The following PPP1R2 variants were observed in gnomAD, a reference collection of about 807,000 sequenced individuals.
PPP1R2 encodes protein phosphatase 1 regulatory inhibitor subunit 2.
PPP1R2 carries 16 observed loss-of-function variants against 29.9 expected under a neutral mutation model. That is an observed-to-expected ratio of 0.53 (90% CI 0.36 to 0.81). The LOEUF is 0.81. Among genes scored for constraint, PPP1R2 ranks in the 30% least tolerant of loss-of-function variants. PPP1R2 has a pLI of 0.00. For synonymous variants in PPP1R2, 76 were observed against 91.5 expected (o/e 0.83, Z 0.96); for missense variants, 197 against 252.7 (o/e 0.78, Z 1.49).
At chr3:195,529,260 T>C (rs1719096357) in intron 2 of PPP1R2, 1 of 152,314 alleles carries the variant, frequency 6.6e-6, no homozygotes, top group South Asian at 2.1e-4. Flanking sequence ...TCATACTGGT[T>C]ACTGCTGCGT....
chr3:195,528,517 T>C (rs751496242), intron 2 of PPP1R2, among the ~76,000 whole-genome samples: 32 of 152,058 alleles, frequency 2.1e-4, no homozygotes, highest in South Asian at 6.2e-4. Context: ...TCTTCCAAAG[T>C]TTTCACCCAC....
intron 5 of PPP1R2, among the ~76,000 whole-genome samples, chr3:195,517,648 G>T (rs1033671312): frequency 6.6e-6 from 1 of 151,476 alleles, no homozygotes; most frequent in African/African-American, 2.4e-5. Flanking sequence ...AAGCAGAGAC[G>T]GACAAAATGC....
intron 4 of PPP1R2, among the ~76,000 whole-genome samples, chr3:195,522,397 G>C (rs1718794763): frequency 6.6e-6 from 1 of 152,122 alleles, no homozygotes; most frequent in Admixed American, 6.5e-5. Context: ...AACCCCACCA[G>C]TGGAAAATGA....
intron 1 of PPP1R2, among the ~76,000 whole-genome samples, chr3:195,539,787 G>T (rs1259340467): frequency 6.6e-6 from 1 of 152,170 alleles, no homozygotes; most frequent in Admixed American, 6.5e-5. Flanking sequence ...ATGATGGTTT[G>T]ATCGGTCCTG....
chr3:195,533,559 T>C (rs1462534693), intron 1 of PPP1R2, among the ~76,000 whole-genome samples: 1 of 152,170 alleles, frequency 6.6e-6, no homozygotes, highest in Non-Finnish European at 1.5e-5. Context: ...GAAGCAAAGT[T>C]GTGACATTAC....
rs1255397435 is a variant in PPP1R2, at chr3:195,515,660, T to C, written c.*1236A>G. ...TATCGTAGTCCCTTAAAGCAGGGAC[T>C]ATTTAACAATGTCCAGGCTTACTTC... On this transcript the variant is annotated 3_prime_UTR_variant, in exon 6 of 6. Coordinates refer to ENST00000618156, the MANE Select transcript of PPP1R2 (RefSeq NM_006241.8). The C allele has an allele frequency of 6.6e-6, 1 of 152,172 alleles. No homozygotes were observed. Among genetic ancestry groups the C allele is most frequent in the Non-Finnish European group, 1.5e-5 (1 of 67,984 alleles). The allele number at this position is 152,172 out of a possible 1,614,324, so 9.4% of individuals were successfully genotyped here.
intron 1 of PPP1R2, among the ~76,000 whole-genome samples, chr3:195,540,633 T>C (rs1293331795): frequency 1.9e-4 from 29 of 152,154 alleles, no homozygotes; most frequent in Non-Finnish European, 1.5e-5. Flanking sequence ...GATTAATCTA[T>C]TCACGGATTA....
At chr3:195,523,508 C>T (rs1483310935) in intron 4 of PPP1R2, among the ~76,000 whole-genome samples, 184 bp downstream of exon 4, 1 of 152,176 alleles carries the variant, frequency 6.6e-6, no homozygotes, top group African/African-American at 2.4e-5. Flanking sequence ...TTCTTGAAAT[C>T]AGGGGTAAAA....
chr3:195,519,942 A>AG (rs147171977), intron 4 of PPP1R2, among the ~76,000 whole-genome samples: 2,925 of 150,450 alleles, frequency 0.019, 95 homozygotes, highest in African/African-American at 0.068. Flanking sequence ...ACAACAGAAA[A>AG]GGGGGGGCCA....
chr3:195,527,364 C>T (rs1719010062), intron 2 of PPP1R2, among the ~76,000 whole-genome samples: 1 of 152,052 alleles, frequency 6.6e-6, no homozygotes, highest in South Asian at 2.1e-4. Context: ...GCACGAGAAT[C>T]TCTTGAACCT....
chr3:195,539,145 AAC>A (rs1477840887), intron 1 of PPP1R2, among the ~76,000 whole-genome samples: 4 of 152,232 alleles, frequency 2.6e-5, no homozygotes, highest in Non-Finnish European at 5.9e-5. Context: ...TCTTAGAATC[AAC>A]AGTGTCTTCT....
At chr3:195,527,471 T>TA (rs1719015891) in intron 2 of PPP1R2, among the ~76,000 whole-genome samples, 1 of 151,642 alleles carries the variant, frequency 6.6e-6, no homozygotes, top group Non-Finnish European at 1.5e-5. Flanking sequence ...AAATAAAAAA[T>TA]AAAAAACAGC....
chr3:195,535,103 C>T lies in PPP1R2; in HGVS notation c.123-5202G>A, dbSNP rs137859269. On this transcript the variant is annotated intron_variant, in intron 1 of 5. Transcript: ENST00000618156. Reference sequence around the variant, plus strand: ...GCGGTTTCGGGAAAGACAACTTTTGCGTGGTGTGGGGTCGGGTGGGAAGGT... The same window carrying T: ...GCGGTTTCGGGAAAGACAACTTTTGTGTGGTGTGGGGTCGGGTGGGAAGGT... Among the ~76,000 whole-genome samples the T allele has an allele frequency of 4.3e-3, 654 of 152,278 alleles. 7 individuals carry two copies. Among genetic ancestry groups the T allele is most frequent in the African/African-American group, 0.015 (604 of 41,554 alleles).
rs775833711 is a variant in PPP1R2 at position 195,515,770 on chromosome 3, C to T, written c.*1126G>A. On this transcript the variant is annotated 3_prime_UTR_variant, in exon 6 of 6. Transcript: ENST00000618156. ...ACCCTCAAAAAACAAACAAAAAAAA[C>T]CCTCAGTTAGTTGTTTTCTTAAGTC... 1 of 150,130 alleles carries T rather than the reference C, an allele frequency of 6.7e-6. No homozygotes were observed. Among genetic ancestry groups the T allele is most frequent in the Non-Finnish European group, 1.5e-5 (1 of 67,710 alleles). The allele number at this position is 150,130 out of a possible 1,614,324, so 9.3% of individuals were successfully genotyped here. A position where few individuals can be genotyped will look rare whatever the true frequency, so the allele number is the denominator to read the frequency against.
At chr3:195,536,816 C>T (rs959306730) in intron 1 of PPP1R2, among the ~76,000 whole-genome samples, 22 of 144,246 alleles carry the variant, frequency 1.5e-4, no homozygotes, top group Non-Finnish European at 2.6e-4. Flanking sequence ...AAAAAGACAA[C>T]GACGACAACT....
intron 1 of PPP1R2, among the ~76,000 whole-genome samples, chr3:195,532,492 T>A (rs933417429): frequency 1.3e-5 from 2 of 152,152 alleles, no homozygotes; most frequent in Non-Finnish European, 2.9e-5. Context: ...AATACCGATG[T>A]CTTCAGATGC....
intron 5 of PPP1R2, among the ~76,000 whole-genome samples, chr3:195,518,455 T>C (rs1718629970): frequency 6.6e-6 from 1 of 152,000 alleles, no homozygotes; most frequent in East Asian, 1.9e-4. Context: ...ATTGGGACCA[T>C]CCTGGCTAAC....
intron 4 of PPP1R2, 80 bp downstream of exon 4, chr3:195,523,612 T>G (rs1718850342): frequency 8.9e-7 from 1 of 1,126,856 alleles, no homozygotes; most frequent in African/African-American, 1.5e-5. Context: ...TGAAAACCAT[T>G]TGCTCATCTT....
At chr3:195,536,285 CCT>C (rs1452167005) in intron 1 of PPP1R2, among the ~76,000 whole-genome samples, 71 of 111,398 alleles carry the variant, frequency 6.4e-4, no homozygotes, top group African/African-American at 2.5e-3. Flanking sequence ...ATAGCGAGAC[CCT>C]GTCTTTAAAA....
Sources: allele counts gnomAD v4.1 joint callset (sites outside exome capture counted in the v4.1 genomes callset), GRCh38; gene constraint gnomAD v4.1.1; transcripts MANE v1.5; gene names NCBI Gene and HGNC (gene_info 2026-07-23, HGNC 2026-07-21).